Variants in PCDHGA3 observed in about 807,000 individuals in gnomAD.
PCDHGA3 encodes the protein protocadherin gamma-A3.
Under a neutral mutation model 58.5 loss-of-function variants are expected in PCDHGA3, and 40 were observed. The observed-to-expected ratio is 0.68, with a 90% confidence interval of 0.53 to 0.89. The LOEUF (loss-of-function observed/expected upper bound fraction) is 0.89, where lower values mean the gene tolerates loss of function less well. PCDHGA3 is among the 40% of genes least tolerant of loss of function. The probability of loss-of-function intolerance (pLI) is 0.00; values close to 1 mark genes in which losing one functional copy is unlikely to be tolerated. For synonymous variants in PCDHGA3, 530 were observed against 525.7 expected (o/e 1.01, Z -0.11); for missense variants, 1,223 against 1,195.9 (o/e 1.02, Z -0.33).
chr5:141,469,552 C>G (rs956606902), intron 1 of PCDHGA3, among the ~76,000 whole-genome samples: 1 of 151,910 alleles, frequency 6.6e-6, no homozygotes, highest in African/African-American at 2.4e-5. Context: ...TCCAGCCTGG[C>G]GACAGAGTGA....
chr5:141,350,362 G>T, intron 1 of PCDHGA3: 1 of 1,572,076 alleles, frequency 6.4e-7, no homozygotes. Flanking sequence ...TCCGATACAC[G>T]ATTCCAGAGG....
rs1347087103 is a variant in PCDHGA3 at position 141,409,851 on chromosome 5, T to C, written c.2424+63394T>C. 4 of 1,612,112 alleles carry C rather than the reference T, an allele frequency of 2.5e-6. No homozygotes were observed. In the Admixed American group the frequency reaches 6.7e-5, roughly 27 times the overall value. On this transcript the variant is annotated intron_variant, in intron 1 of 3. Transcript: ENST00000253812. ...CTCAGCGCCAACGTGAGCCTGCGCG[T>C]GTTGGTGGGAGACCGCAATGACAAC...
intron 1 of PCDHGA3, among the ~76,000 whole-genome samples, chr5:141,482,530 CAA>C (rs3074545): frequency 2.5e-4 from 19 of 76,528 alleles, no homozygotes; most frequent in East Asian, 4.2e-4. Context: ...GACAGACATG[CAA>C]AAAAAAAAAA....
At chr5:141,361,019 A>G (rs753179923) in intron 1 of PCDHGA3, 1 of 1,613,326 alleles carries the variant, frequency 6.2e-7, no homozygotes, top group East Asian at 2.2e-5. Flanking sequence ...TTCAACTTAA[A>G]TGAAAAAACA....
At chr5:141,415,767 T>TTTTTTTTTTTTTTTTTTTTTG (rs2095942916) in intron 1 of PCDHGA3, 1 of 1,300,668 alleles carries the variant, frequency 7.7e-7, no homozygotes, top group African/African-American at 1.8e-5. Flanking sequence ...TTTTTTTTTT[T>TTTTTTTTTTTTTTTTTTTTTG]TTTTTACTTT....
chr5:141,477,808 C>T lies in PCDHGA3; in HGVS notation c.2425-16999C>T, dbSNP rs750186099. 2.5e-6 allele frequency: 4 copies of T among 1,613,994 alleles called. No individual in the cohort carries two copies. In the African/African-American group the frequency reaches 4.0e-5, roughly 16 times the overall value. On this transcript the variant is annotated intron_variant, in intron 1 of 3. Coordinates refer to ENST00000253812, the MANE Select transcript of PCDHGA3 (RefSeq NM_018916.4). The surrounding 1 kb of genome is among the most constrained non-coding windows in gnomAD (Gnocchi z 4.9). ...TTGTCACTGATCGCAATGACAATGC[C>T]CCCCAGGTCCTATATCCTCGGCCAG...
chr5:141,414,572 C>T, intron 1 of PCDHGA3: 1 of 1,613,960 alleles, frequency 6.2e-7, no homozygotes, highest in Non-Finnish European at 8.5e-7. Context: ...ACCTATATCC[C>T]AGAGAACAAC....
intron 1 of PCDHGA3, chr5:141,396,092 A>G (rs1589275874): frequency 6.6e-6 from 1 of 152,314 alleles, no homozygotes; most frequent in East Asian, 1.9e-4. Context: ...AAGTGGTGAG[A>G]ATGTTGATAT....
At position 141,371,889 on chromosome 5, in the gene PCDHGA3, C is replaced by T. The variant is rs778087129; in HGVS notation, c.2424+25432C>T. 5 of 1,613,316 alleles carry T rather than the reference C, an allele frequency of 3.1e-6. No individual in the cohort carries two copies. The East Asian group carries it at 6.7e-5, about 22-fold the overall frequency. On this transcript the variant is annotated intron_variant, in intron 1 of 3. Coordinates refer to ENST00000253812, the MANE Select transcript of PCDHGA3 (RefSeq NM_018916.4). ...CATCGTGGCCAGTGACCTGGAGCCG[C>T]GGGAGCTGTCGTCCTACGTGTCCGT...
Position 141,487,252 on chromosome 5 carries a change from G to T in PCDHGA3, c.2425-7555G>T. ...GAGAATCTCGTCTAACCCTCTACTT[G>T]GCTGTGTCCCTAGTGGCAATTTGCT... On this transcript the variant is annotated intron_variant, in intron 1 of 3. Transcript: ENST00000253812. The surrounding 1 kb of genome is among the most constrained non-coding windows in gnomAD (Gnocchi z 5.0). 1 of 1,614,110 alleles carries T rather than the reference G, an allele frequency of 6.2e-7. No homozygotes were observed. The highest frequency in any genetic ancestry group is 8.5e-7 in the Non-Finnish European group (1 of 1,180,014).
chr5:141,345,933 G>T lies in PCDHGA3; in HGVS notation c.1900G>T (p.Asp634Tyr). Residue 634 changes from aspartate to tyrosine, a missense_variant, in exon 1 of 4, where the codon GAC becomes TAC. Physicochemically the swap from Asp to Tyr is radical, Grantham distance 160 (BLOSUM62 -3). This residue lies in a region of PCDHGA3 where 107 missense variants were observed against 159.8 expected (regional missense o/e 0.67). Transcript: ENST00000253812. ...GEVRTARALLDRDALKQSLVV... is the reference protein window; with the variant it reads ...GEVRTARALLYRDALKQSLVV... Reference sequence around the variant, plus strand: ...GGTGCGCACGGCGCGAGCCCTGCTGGACAGAGACGCGCTCAAGCAGAGCCT... The same window carrying T: ...GGTGCGCACGGCGCGAGCCCTGCTGTACAGAGACGCGCTCAAGCAGAGCCT... 1 of 1,613,548 alleles carries T rather than the reference G, an allele frequency of 6.2e-7. No individual in the cohort carries two copies. The highest frequency in any genetic ancestry group is 8.5e-7 in the Non-Finnish European group (1 of 1,179,870).
intron 1 of PCDHGA3, chr5:141,408,300 T>TC: frequency 6.2e-7 from 1 of 1,613,732 alleles, no homozygotes; most frequent in South Asian, 1.1e-5. Context: ...AGTGAGCCGA[T>TC]CCGCTACTCG....
rs746838072 is a variant in PCDHGA3 at position 141,486,116 on chromosome 5, T to A, written c.2425-8691T>A. ...GCCCCTAGACTTTGAGAGTGAGAATTACTATGAATTTGATGTGCGGGCTCG... is the reference window on the plus strand; with the variant it reads ...GCCCCTAGACTTTGAGAGTGAGAATAACTATGAATTTGATGTGCGGGCTCG... On this transcript the variant is annotated intron_variant, in intron 1 of 3. Coordinates refer to ENST00000253812, the MANE Select transcript of PCDHGA3 (RefSeq NM_018916.4). This position sits in a 1 kb window ranked among gnomAD's most constrained non-coding sequence, Gnocchi z 5.0. 1.1e-5 allele frequency: 17 copies of A among 1,613,638 alleles called. No homozygotes were observed. Among genetic ancestry groups the A allele is most frequent in the Non-Finnish European group, 1.4e-5 (17 of 1,179,610 alleles).
At chr5:141,394,239 G>A (rs530540432) in intron 1 of PCDHGA3, 1 of 1,613,868 alleles carries the variant, frequency 6.2e-7, no homozygotes, top group South Asian at 1.1e-5. Flanking sequence ...TTCCTTGACT[G>A]CACACGACCC....
Position 141,352,289 on chromosome 5 carries a change from C to T in PCDHGA3, c.2424+5832C>T, listed in dbSNP as rs1758969682. 3.1e-6 allele frequency: 5 copies of T among 1,614,082 alleles called. No individual in the cohort carries two copies. The East Asian group carries it at 1.1e-4, about 36-fold the overall frequency. ...GCCAGACCTCAGCGACCGCCCTGAG[C>T]CCTCTGACCCCCAGACGGAACTGCA... On this transcript the variant is annotated intron_variant, in intron 1 of 3. Coordinates refer to ENST00000253812, the MANE Select transcript of PCDHGA3 (RefSeq NM_018916.4).
At chr5:141,365,966 G>A (rs781156882) in intron 1 of PCDHGA3, 24 of 1,614,222 alleles carry the variant, frequency 1.5e-5, no homozygotes, top group Non-Finnish European at 2.0e-5. Flanking sequence ...TAGCAGCAAC[G>A]TGTCGCTGAG....
At chr5:141,508,896 C>A (rs1171693212) in intron 3 of PCDHGA3, among the ~76,000 whole-genome samples, 1 of 151,862 alleles carries the variant, frequency 6.6e-6, no homozygotes, top group Non-Finnish European at 1.5e-5. Context: ...GGGGAGGGGG[C>A]GGGGCGGTGG....
chr5:141,413,891 C>G, intron 1 of PCDHGA3: 1 of 1,613,382 alleles, frequency 6.2e-7, no homozygotes, highest in East Asian at 2.2e-5. Flanking sequence ...GTCTTCGATG[C>G]AAATGACAAC....
chr5:141,434,870 C>G (rs1263324193), intron 1 of PCDHGA3, among the ~76,000 whole-genome samples: 3 of 151,726 alleles, frequency 2.0e-5, no homozygotes, highest in Non-Finnish European at 1.5e-5. Flanking sequence ...ATATATGTGA[C>G]AGATACCAAC....
Sources: gnomAD v4.1 joint callset for allele counts (sites outside exome capture counted in the v4.1 genomes callset) on GRCh38, gnomAD v4.1.1 for gene constraint, gnomAD v4.1.1 regional missense constraint, Gnocchi (gnomAD v3.1) non-coding constraint, MANE v1.5 for transcripts, NCBI Gene and HGNC (gene_info 2026-07-23, HGNC 2026-07-21) for gene names.